The following ZHX1 variants were observed in gnomAD, a reference collection of about 807,000 sequenced individuals.
The protein encoded by ZHX1 is zinc fingers and homeoboxes protein 1.
A neutral mutation model predicts 61.8 loss-of-function variants in ZHX1; 20 were observed. The observed-to-expected ratio is 0.32, with a 90% CI of 0.23 to 0.47. ZHX1 has a LOEUF of 0.47. ZHX1 is among the 20% of genes least tolerant of loss of function. The pLI, the probability that ZHX1 is intolerant of heterozygous loss-of-function variation, is 1.00. For synonymous variants in ZHX1, 318 were observed against 352.6 expected, an observed-to-expected ratio of 0.90 and a Z score of 1.10; for missense variants, 800 against 1,034.8, an observed-to-expected ratio of 0.77 and a Z score of 3.11.
Position 123,254,124 on chromosome 8 carries a change from G to A in ZHX1, c.1823C>T (p.Thr608Ile). ...AAACCAAGCATCGATTTCTCTTCTG[G>A]TAAGTTTGGTTTGTGCCCTTAACCT... ...LNRLRAQTKL[T>I]RREIDAWFTE... Residue 608 changes from threonine to isoleucine, a missense_variant, in exon 3 of 4, where the codon ACC (threonine) becomes ATC (isoleucine). Physicochemically the swap from Thr to Ile is moderately conservative, Grantham distance 89 (BLOSUM62 -1). Coordinates refer to ENST00000395571, the MANE Select transcript of ZHX1 (RefSeq NM_007222.5). The surrounding 1 kb of genome is among the most constrained non-coding windows in gnomAD (Gnocchi z 4.1). The A allele has an allele frequency of 6.2e-7, 1 of 1,614,060 alleles. No homozygotes were observed. The highest frequency in any genetic ancestry group is 8.5e-7 in the Non-Finnish European group (1 of 1,180,016).
At position 123,254,628 on chromosome 8, in the gene ZHX1, G is replaced by C. The variant is rs1826016188; in HGVS notation, c.1319C>G (p.Thr440Arg). Reference protein sequence around the residue: ...QVPAAQPTAETKPATAAVPTS... With the variant: ...QVPAAQPTAERKPATAAVPTS... ...TGGAACTGCTGCTGTTGCTGGCTTT[G>C]TTTCTGCAGTAGGCTGAGCAGCAGG... is the stretch of plus-strand genomic sequence containing the variant. The change falls in exon 3 of 4, where the codon ACA becomes AGA. Residue 440 changes from threonine (T) to arginine (R), a missense_variant. By Grantham distance (71) the Thr-to-Arg change is moderately conservative. Coordinates refer to ENST00000395571, the MANE Select transcript of ZHX1 (RefSeq NM_007222.5). This position sits in a 1 kb window ranked among gnomAD's most constrained non-coding sequence, Gnocchi z 4.1. The C allele has an allele frequency of 1.2e-6, 2 of 1,614,022 alleles. No homozygotes were observed. The highest frequency in any genetic ancestry group is 1.7e-6 in the Non-Finnish European group (2 of 1,180,030).
chr8:123,269,793 T>G (rs1386915630), intron 1 of ZHX1, among the ~76,000 whole-genome samples: 1 of 152,248 alleles, frequency 6.6e-6, no homozygotes, highest in African/African-American at 2.4e-5. Flanking sequence ...ACAATGAATG[T>G]TAGCAAAGAA....
At chr8:123,264,653 G>C (rs1826391774) in intron 2 of ZHX1, among the ~76,000 whole-genome samples, 1 of 151,960 alleles carries the variant, frequency 6.6e-6, no homozygotes, top group African/African-American at 2.4e-5. Context: ...CCGCCTCCCA[G>C]GTTCAAGCAA....
chr8:123,258,995 C>T (rs563487678), intron 2 of ZHX1, among the ~76,000 whole-genome samples: 11 of 152,244 alleles, frequency 7.2e-5, no homozygotes, highest in African/African-American at 2.4e-4. Flanking sequence ...AACCAGGTCC[C>T]TATGAGACAA....
rs750170249 is a variant in ZHX1, at chr8:123,253,331, A to C, written c.2616T>G (p.Asp872Glu). 4.4e-6 allele frequency: 7 copies of C among 1,597,486 alleles called. No individual in the cohort carries two copies. Among genetic ancestry groups the C allele is most frequent in the Non-Finnish European group, 6.0e-6 (7 of 1,175,114 alleles). The change falls in exon 3 of 4, where the codon GAT (aspartate) becomes GAG (glutamate). Residue 872 changes from aspartate (D) to glutamate (E), a missense_variant. By Grantham distance (45) the Asp-to-Glu change is conservative. Coordinates refer to ENST00000395571, the MANE Select transcript of ZHX1 (RefSeq NM_007222.5). The part of the protein sequence containing the change: ...RHVKRKLSKS[D>E]D ...AATTTTCTTAACTTACATTTCAGTCATCTGATTTAGACAGCTTCCGTTTCA... is the reference window on the plus strand; with the variant it reads ...AATTTTCTTAACTTACATTTCAGTCCTCTGATTTAGACAGCTTCCGTTTCA...
At chr8:123,257,923 A>G (rs1331991133) in intron 2 of ZHX1, among the ~76,000 whole-genome samples, 1 of 152,094 alleles carries the variant, frequency 6.6e-6, no homozygotes, top group African/African-American at 2.4e-5. Context: ...CTAGTCTAGT[A>G]CTTACCATAC....
rs1456411514 is a variant in ZHX1, at chr8:123,254,205, C to T, written c.1742G>A (p.Arg581His). ...GTTGAGAAAACTTGCCTGAAGGACACGAAGCTGCTCTGCAGTTTTCTCTTT... is the reference window on the plus strand; with the variant it reads ...GTTGAGAAAACTTGCCTGAAGGACATGAAGCTGCTCTGCAGTTTTCTCTTT... ...KFKEKTAEQL[R>H]VLQASFLNSS... The change falls in exon 3 of 4, where the codon CGT becomes CAT. Residue 581 changes from arginine to histidine, a missense_variant. Arg to His is a conservative substitution (Grantham distance 29, BLOSUM62 0). Coordinates refer to ENST00000395571, the MANE Select transcript of ZHX1 (RefSeq NM_007222.5). This position sits in a 1 kb window ranked among gnomAD's most constrained non-coding sequence, Gnocchi z 4.1. 2.5e-6 allele frequency: 4 copies of T among 1,614,010 alleles called. No homozygotes were observed. Among genetic ancestry groups the T allele is most frequent in the African/African-American group, 1.3e-5 (1 of 74,910 alleles).
intron 1 of ZHX1, among the ~76,000 whole-genome samples, chr8:123,271,003 A>C (rs1383485993): frequency 6.6e-6 from 1 of 152,178 alleles, no homozygotes; most frequent in Non-Finnish European, 1.5e-5. Flanking sequence ...GTTACATATT[A>C]ATATTTACTT....
Position 123,256,076 on chromosome 8 carries a change from A to G in ZHX1, c.-130T>C. 2 of 740,664 alleles carry G rather than the reference A, an allele frequency of 2.7e-6. No individual in the cohort carries two copies. Among genetic ancestry groups the G allele is most frequent in the Non-Finnish European group, 2.1e-6 (1 of 475,392 alleles). 45.9% of individuals were successfully genotyped at this position (740,664 alleles called of 1,614,324 possible). A position where few individuals can be genotyped will look rare whatever the true frequency, so the allele number is the denominator to read the frequency against. ...ATTTTTGTGCTCAACAAGTCTCATT[A>G]GCAGCTTTCTCATGGTGCAATCAAG... On this transcript the variant is annotated 5_prime_UTR_variant, in exon 3 of 4. Coordinates refer to ENST00000395571, the MANE Select transcript of ZHX1 (RefSeq NM_007222.5).
At chr8:123,263,019 CG>C (rs1034772437) in intron 2 of ZHX1, 1 of 116,066 alleles carries the variant, frequency 8.6e-6, no homozygotes, top group Non-Finnish European at 1.7e-5. Flanking sequence ...GGAAGAGAAG[CG>C]GGAAGGGGAG....
At chr8:123,272,374 C>A (rs924448141) in intron 1 of ZHX1, among the ~76,000 whole-genome samples, 1 of 152,184 alleles carries the variant, frequency 6.6e-6, no homozygotes. Context: ...TTAGCCTTAA[C>A]ATGCTTTGGG....
chr8:123,260,749 G>A (rs1031686746), intron 2 of ZHX1, among the ~76,000 whole-genome samples: 52 of 152,194 alleles, frequency 3.4e-4, no homozygotes, highest in African/African-American at 1.2e-3. Flanking sequence ...AGGTGCAGTG[G>A]CTCATGCCTG....
At chr8:123,264,064 T>G (rs922980611) in intron 2 of ZHX1, among the ~76,000 whole-genome samples, 1 of 152,152 alleles carries the variant, frequency 6.6e-6, no homozygotes, top group African/African-American at 2.4e-5. Context: ...CAATAAACAT[T>G]TACTAACATC....
At position 123,254,788 on chromosome 8, in the gene ZHX1, T is replaced by C; in HGVS notation, c.1159A>G (p.Thr387Ala). The C allele has an allele frequency of 6.2e-7, 1 of 1,614,214 alleles. No individual in the cohort carries two copies. The highest frequency in any genetic ancestry group is 8.5e-7 in the Non-Finnish European group (1 of 1,180,026). The stretch of plus-strand genomic sequence containing the variant: ...CCAGGCTGACCAACTATTTGGCATG[T>C]CTGTAAAATAGATGGTAAACCATTA... ...GSNGLPSILQ[T>A]CQIVGQPGLV... Residue 387 changes from threonine (T) to alanine (A), a missense_variant, in exon 3 of 4, where the codon ACA becomes GCA. Physicochemically the swap from Thr to Ala is moderately conservative, Grantham distance 58. Coordinates refer to ENST00000395571, the MANE Select transcript of ZHX1 (RefSeq NM_007222.5). The surrounding 1 kb of genome is among the most constrained non-coding windows in gnomAD (Gnocchi z 4.1).
chr8:123,267,391 A>G lies in ZHX1; in HGVS notation c.-339-5T>C. Reference sequence around the variant, plus strand: ...AAAGCAGCAGTCTGTCTTCTCCTACAAAAAAGTCATATTTTATTATTCTAG... The same window carrying G: ...AAAGCAGCAGTCTGTCTTCTCCTACGAAAAAGTCATATTTTATTATTCTAG... On this transcript the variant is annotated splice_region_variant and splice_polypyrimidine_tract_variant and intron_variant, in intron 1 of 3. Transcript: ENST00000395571. The G allele has an allele frequency of 2.2e-6, 2 of 906,614 alleles. No homozygotes were observed. The highest frequency in any genetic ancestry group is 3.1e-6 in the Non-Finnish European group (2 of 648,018). 56.2% of individuals were successfully genotyped at this position (906,614 alleles called of 1,614,324 possible).
intron 2 of ZHX1, among the ~76,000 whole-genome samples, chr8:123,256,777 A>G (rs1826083671): frequency 6.6e-6 from 1 of 152,038 alleles, no homozygotes; most frequent in Admixed American, 6.6e-5. Context: ...AAAAAAAAAA[A>G]GACAAGAAAT....
rs190136702 is a variant in ZHX1, at chr8:123,268,202, T to C, written c.-339-816A>G. Among the ~76,000 whole-genome samples, 3 of 152,332 alleles carry C rather than the reference T, an allele frequency of 2.0e-5. No homozygotes were observed. In the East Asian group the frequency reaches 5.8e-4, roughly 29 times the overall value. On this transcript the variant is annotated intron_variant, in intron 1 of 3. Transcript: ENST00000395571. ...CAAAACAAGTTAAACAAACTAGTAG[T>C]ACTTGATCTACAAACATGGGGTTAT... is the stretch of plus-strand genomic sequence containing the variant.
chr8:123,267,172 G>A, intron 2 of ZHX1, 101 bp downstream of exon 2: 1 of 1,111,846 alleles, frequency 9.0e-7, no homozygotes, highest in Non-Finnish European at 1.2e-6. Context: ...TGCTTTTTAA[G>A]GAAAGCTTTT....
Position 123,253,429 on chromosome 8 carries a change from C to A in ZHX1, c.2518G>T (p.Glu840Ter), listed in dbSNP as rs1236348384. The A allele has an allele frequency of 6.2e-7, 1 of 1,614,080 alleles. No individual in the cohort carries two copies. The highest frequency in any genetic ancestry group is 8.5e-7 in the Non-Finnish European group (1 of 1,179,968). ...ELFEENEEED[E>*]VIDDQEEDEE... is the part of the protein sequence containing the mutation. Reference sequence around the variant, plus strand: ...TCCTCTTCCTGGTCATCAATAACTTCATCTTCCTCCTCATTTTCCTCAAAT... The same window carrying A: ...TCCTCTTCCTGGTCATCAATAACTTAATCTTCCTCCTCATTTTCCTCAAAT... Residue 840 changes from glutamate to a stop codon, truncating the protein, a stop_gained, in exon 3 of 4, where the codon GAA becomes TAA. Transcript: ENST00000395571. LOFTEE classifies it high-confidence loss of function.
Sources: allele counts gnomAD v4.1 joint callset (sites outside exome capture counted in the v4.1 genomes callset), GRCh38; gene constraint gnomAD v4.1.1; non-coding constraint Gnocchi (gnomAD v3.1); transcripts MANE v1.5; gene names NCBI Gene and HGNC (gene_info 2026-07-23, HGNC 2026-07-21).